The following GTF2I variants were observed in gnomAD, a reference collection of about 807,000 sequenced individuals.
GTF2I encodes general transcription factor IIi.
In GTF2I, 12 loss-of-function variants were observed where a neutral mutation model predicts 67.6. That is an observed-to-expected ratio of 0.18 (90% CI 0.11 to 0.29). The LOEUF (loss-of-function observed/expected upper bound fraction) is 0.29, where lower values mean the gene tolerates loss of function less well. Ranked by LOEUF, GTF2I falls within the 10% of genes least tolerant of loss-of-function variation. The pLI is 1.00. For missense variants in GTF2I, 271 were observed against 580.1 expected (o/e 0.47, Z 5.47); for synonymous variants, 149 against 197.0 (o/e 0.76, Z 2.04).
rs998395000 is a variant in GTF2I at position 74,661,555 on chromosome 7, C to T, written c.-6+3487C>T. Among the ~76,000 whole-genome samples, 22 of 151,902 alleles carry T rather than the reference C, an allele frequency of 1.4e-4. 1 individual carries two copies. The East Asian group carries it at 1.9e-3, about 13-fold the overall frequency. ...TTAGCCGGGTGTGGTGGCGTGCGTA[C>T]GTAGTTTCAGCTACTTGGGGAGGCT... On this transcript the variant is annotated intron_variant, in intron 1 of 34. Transcript: ENST00000573035.
chr7:74,719,845 T>C (rs1792711727), intron 12 of GTF2I, among the ~76,000 whole-genome samples: 1 of 152,082 alleles, frequency 6.6e-6, no homozygotes, highest in African/African-American at 2.4e-5. Context: ...GCTTGAACCC[T>C]GGAGGCAGAG....
chr7:74,671,627 A>T (rs1805460766), intron 1 of GTF2I, among the ~76,000 whole-genome samples: 1 of 152,066 alleles, frequency 6.6e-6, no homozygotes, highest in Non-Finnish European at 1.5e-5. Context: ...TGCCAGCTTT[A>T]TTTCAGCAGA....
intron 1 of GTF2I, among the ~76,000 whole-genome samples, chr7:74,673,864 A>G (rs1230952527): frequency 6.6e-6 from 1 of 151,592 alleles, no homozygotes; most frequent in African/African-American, 2.4e-5. Flanking sequence ...TAGTTTTAGT[A>G]GAGACAGGGT....
intron 8 of GTF2I, among the ~76,000 whole-genome samples, chr7:74,710,498 C>G (rs1791400932): frequency 6.6e-6 from 1 of 152,100 alleles, no homozygotes; most frequent in Non-Finnish European, 1.5e-5. Context: ...TATCTGGCCA[C>G]AAAGGTCTGC....
intron 1 of GTF2I, among the ~76,000 whole-genome samples, chr7:74,685,065 A>G (rs371978154): frequency 5.3e-5 from 8 of 152,330 alleles, no homozygotes; most frequent in African/African-American, 1.7e-4. Flanking sequence ...TAAATACAGT[A>G]GTGGCCTGCA....
chr7:74,671,382 T>G (rs1172736740), intron 1 of GTF2I, among the ~76,000 whole-genome samples: 1 of 151,914 alleles, frequency 6.6e-6, no homozygotes, highest in Non-Finnish European at 1.5e-5. Context: ...CCACTGCACC[T>G]GGCTAGATCT....
At chr7:74,658,256 A>C (rs1554384600) in intron 1 of GTF2I, among the ~76,000 whole-genome samples, 188 bp downstream of exon 1, 2 of 146,194 alleles carry the variant, frequency 1.4e-5, no homozygotes, top group African/African-American at 5.0e-5. Context: ...CCCCACCCCC[A>C]CCGCCTCGCC....
At chr7:74,661,397 T>G (rs587775095) in intron 1 of GTF2I, among the ~76,000 whole-genome samples, 20 of 152,254 alleles carry the variant, frequency 1.3e-4, no homozygotes, top group Admixed American at 3.9e-4. Flanking sequence ...AATTAGATCT[T>G]GGCCGGGTGC....
intron 1 of GTF2I, among the ~76,000 whole-genome samples, chr7:74,663,501 T>C (rs1238024888): frequency 1.3e-5 from 2 of 152,118 alleles, no homozygotes; most frequent in Admixed American, 6.6e-5. Flanking sequence ...TTAGCCAGGC[T>C]GGTGGTCTCC....
intron 3 of GTF2I, among the ~76,000 whole-genome samples, chr7:74,694,722 C>T (rs1157437467): frequency 2.0e-5 from 3 of 152,172 alleles, no homozygotes; most frequent in African/African-American, 7.2e-5. Context: ...ACTCACAAAA[C>T]CCGATTTTCA....
At chr7:74,677,781 CAAAA>C (rs67938540) in intron 1 of GTF2I, among the ~76,000 whole-genome samples, 3 of 72,166 alleles carry the variant, frequency 4.2e-5, no homozygotes, top group East Asian at 4.9e-4. Context: ...GATTCTGTCT[CAAAA>C]AAAAAAAAAA....
chr7:74,716,835 T>C (rs1792325530), intron 10 of GTF2I, 59 bp from the exon 11 acceptor site: 8 of 1,130,980 alleles, frequency 7.1e-6, no homozygotes, highest in Non-Finnish European at 1.1e-5. Flanking sequence ...CTAGATTCTC[T>C]TTCATCTTTC....
intron 8 of GTF2I, among the ~76,000 whole-genome samples, chr7:74,709,712 G>A (rs1012398605): frequency 2.7e-5 from 4 of 150,006 alleles, no homozygotes; most frequent in African/African-American, 7.4e-5. Flanking sequence ...TTGCTGTGTC[G>A]CCCAGGCTGG....
At chr7:74,717,074 C>G in intron 11 of GTF2I, 124 bp downstream of exon 11, 6 of 1,363,064 alleles carry the variant, frequency 4.4e-6, no homozygotes, top group Non-Finnish European at 5.9e-6. Context: ...GTATGCCTTC[C>G]TAGCCAACAG....
intron 3 of GTF2I, among the ~76,000 whole-genome samples, chr7:74,698,143 G>T (rs1789182502): frequency 6.6e-6 from 1 of 152,142 alleles, no homozygotes; most frequent in Non-Finnish European, 1.5e-5. Context: ...TTTTAGTAGA[G>T]ACGGAGTTTC....
chr7:74,680,099 A>AAAAAAAAAAAAAAAAT, intron 1 of GTF2I, among the ~76,000 whole-genome samples: 1 of 95,002 alleles, frequency 1.1e-5, no homozygotes, highest in Non-Finnish European at 2.1e-5. Flanking sequence ...AAAAAAAAAA[A>AAAAAAAAAAAAAAAAT]ATATATATAT....
chr7:74,713,243 C>T (rs772007555), intron 9 of GTF2I, among the ~76,000 whole-genome samples: 10 of 152,028 alleles, frequency 6.6e-5, no homozygotes, highest in Non-Finnish European at 1.0e-4. Flanking sequence ...AAGACTATGT[C>T]GTATTTAAAG....
At chr7:74,724,117 A>G (rs1793452624) in intron 12 of GTF2I, among the ~76,000 whole-genome samples, 1 of 152,156 alleles carries the variant, frequency 6.6e-6, no homozygotes, top group Non-Finnish European at 1.5e-5. Context: ...TAGCACTTGA[A>G]CACTTTGTTT....
intron 3 of GTF2I, among the ~76,000 whole-genome samples, chr7:74,692,734 T>C (rs1197180553): frequency 1.3e-5 from 2 of 152,182 alleles, no homozygotes; most frequent in African/African-American, 2.4e-5. Flanking sequence ...GCACATATTA[T>C]ATATGGGCAT....
Sources: allele counts gnomAD v4.1 joint callset (sites outside exome capture counted in the v4.1 genomes callset), GRCh38; gene constraint gnomAD v4.1.1; transcripts MANE v1.5; gene names NCBI Gene and HGNC (gene_info 2026-07-23, HGNC 2026-07-21).